DDAH1: variants seen among roughly 807,000 people sequenced by gnomAD.
DDAH1 encodes the protein N(G),N(G)-dimethylarginine dimethylaminohydrolase 1.
DDAH1 carries 19 observed loss-of-function variants against 28.8 expected under a neutral mutation model. That is an observed-to-expected ratio of 0.66 (90% CI 0.46 to 0.97). The LOEUF (loss-of-function observed/expected upper bound fraction) is 0.97, where lower values mean the gene tolerates loss of function less well. Among genes scored for constraint, DDAH1 ranks in the 50% least tolerant of loss-of-function variants. The pLI, the probability that DDAH1 is intolerant of heterozygous loss-of-function variation, is 0.00. For missense variants in DDAH1, 326 were observed against 375.9 expected, an observed-to-expected ratio of 0.87 and a Z score of 1.10; for synonymous variants, 153 against 154.4, an observed-to-expected ratio of 0.99 and a Z score of 0.07.
chr1:85,514,845 T>C (rs1303703004), intron 1 of DDAH1, among the ~76,000 whole-genome samples: 1 of 152,126 alleles, frequency 6.6e-6, no homozygotes, highest in Admixed American at 6.6e-5. Context: ...ACTTACCTTG[T>C]AGTTTCCATG....
intron 2 of DDAH1, chr1:85,496,128 T>A: frequency 1.8e-6 from 1 of 541,506 alleles, no homozygotes; most frequent in Non-Finnish European, 2.4e-6. Context: ...ATGTGTTTAC[T>A]TTTAGCTGTA....
At chr1:85,508,786 T>G (rs999124020) in intron 1 of DDAH1, among the ~76,000 whole-genome samples, 2 of 152,224 alleles carry the variant, frequency 1.3e-5, no homozygotes, top group African/African-American at 4.8e-5. Flanking sequence ...CCACCATTGC[T>G]GAGGCTTGAG....
chr1:85,545,123 T>A (rs1378739402), intron 1 of DDAH1, among the ~76,000 whole-genome samples: 1 of 152,084 alleles, frequency 6.6e-6, no homozygotes, highest in East Asian at 1.9e-4. Context: ...CAACCCAAAC[T>A]CTGCCCTCCA....
At chr1:85,478,444 G>T (rs2100712723) in intron 2 of DDAH1, among the ~76,000 whole-genome samples, 1 of 152,318 alleles carries the variant, frequency 6.6e-6, no homozygotes, top group East Asian at 1.9e-4. Context: ...TCACAATCAT[G>T]GCAGAAGGTG....
chr1:85,466,794 T>C (rs1391647537), upstream of DDAH1, among the ~76,000 whole-genome samples: 1 of 151,020 alleles, frequency 6.6e-6, no homozygotes, highest in Non-Finnish European at 1.5e-5. Flanking sequence ...TGGTTAAATA[T>C]AAAATTTATT....
intron 1 of DDAH1, among the ~76,000 whole-genome samples, chr1:85,456,010 C>T (rs1654864307): frequency 6.6e-6 from 1 of 152,048 alleles, no homozygotes; most frequent in African/African-American, 2.4e-5. Flanking sequence ...TGTAAGTTAT[C>T]ATCAGCTCCC....
At chr1:85,347,916 C>T (rs760450421) in intron 4 of DDAH1, among the ~76,000 whole-genome samples, 1 of 152,156 alleles carries the variant, frequency 6.6e-6, no homozygotes, top group Non-Finnish European at 1.5e-5. Flanking sequence ...CTTAGGAGAG[C>T]TCATTATTCC....
intron 1 of DDAH1, among the ~76,000 whole-genome samples, chr1:85,377,322 TTAA>T (rs1283971321): frequency 6.6e-6 from 1 of 152,120 alleles, no homozygotes; most frequent in Non-Finnish European, 1.5e-5. Flanking sequence ...TAATACATTA[TTAA>T]TTATATATAC....
chr1:85,419,940 G>A (rs964603507), intron 1 of DDAH1, among the ~76,000 whole-genome samples: 3 of 152,074 alleles, frequency 2.0e-5, no homozygotes, highest in South Asian at 2.1e-4. Context: ...ATAACAATTA[G>A]TCTGGGCTTA....
intron 1 of DDAH1, among the ~76,000 whole-genome samples, chr1:85,402,161 A>ATTTTTT (rs11365834): frequency 8.3e-6 from 1 of 120,432 alleles, no homozygotes; most frequent in Non-Finnish European, 1.7e-5. Context: ...TAATACTTCT[A>ATTTTTT]TTTTTTTTTT....
intron 1 of DDAH1, among the ~76,000 whole-genome samples, chr1:85,456,332 T>C (rs1266513844): frequency 6.6e-6 from 1 of 152,230 alleles, no homozygotes; most frequent in African/African-American, 2.4e-5. Flanking sequence ...AAATAGAAAT[T>C]AGTTTTGTCT....
chr1:85,343,476 C>T (rs1030466123), intron 4 of DDAH1, among the ~76,000 whole-genome samples: 45 of 151,862 alleles, frequency 3.0e-4, no homozygotes, highest in African/African-American at 9.5e-4. Flanking sequence ...TCTTAATACA[C>T]GCATGGCAGA....
intron 2 of DDAH1, among the ~76,000 whole-genome samples, chr1:85,481,948 G>A (rs930974460): frequency 1.3e-5 from 2 of 152,216 alleles, no homozygotes; most frequent in African/African-American, 4.8e-5. Context: ...ACTGGTTTGT[G>A]TTGTCACTGC....
At chr1:85,520,952 C>T (rs1657662026) in intron 1 of DDAH1, among the ~76,000 whole-genome samples, 1 of 152,116 alleles carries the variant, frequency 6.6e-6, no homozygotes, top group Non-Finnish European at 1.5e-5. Context: ...TTATGAACTG[C>T]TTTGAAAGAA....
At chr1:85,426,921 C>CAAA (rs10680800) in intron 1 of DDAH1, among the ~76,000 whole-genome samples, 11,348 of 120,100 alleles carry the variant, frequency 0.094, 657 homozygotes, top group African/African-American at 0.1. Flanking sequence ...TTAAAAAAAA[C>CAAA]AAAAAAAAAA....
intron 5 of DDAH1, among the ~76,000 whole-genome samples, chr1:85,323,411 A>G (rs758782348): frequency 6.6e-6 from 1 of 152,176 alleles, no homozygotes; most frequent in Non-Finnish European, 1.5e-5. Context: ...AAATTACTAA[A>G]GTATATAGAT....
At chr1:85,479,558 G>A (rs572931312) in intron 2 of DDAH1, among the ~76,000 whole-genome samples, 32 of 152,148 alleles carry the variant, frequency 2.1e-4, no homozygotes, top group Admixed American at 1.1e-3. Flanking sequence ...CCACAATCGG[G>A]GTTTTCACCA....
chr1:85,351,857 G>A (rs975451235), intron 2 of DDAH1, among the ~76,000 whole-genome samples: 1 of 152,158 alleles, frequency 6.6e-6, no homozygotes, highest in Non-Finnish European at 1.5e-5. Flanking sequence ...TTTCAGTTTG[G>A]GAAGATGAAA....
chr1:85,497,594 G>T (rs1167363564), intron 1 of DDAH1, among the ~76,000 whole-genome samples: 1 of 152,152 alleles, frequency 6.6e-6, no homozygotes, highest in Non-Finnish European at 1.5e-5. Context: ...AAAGGAAATA[G>T]AAATTTAAAG....
Sources: allele counts gnomAD v4.1 joint callset (sites outside exome capture counted in the v4.1 genomes callset), GRCh38; gene constraint gnomAD v4.1.1; transcripts MANE v1.5; gene names NCBI Gene and HGNC (gene_info 2026-07-23, HGNC 2026-07-21).